The following SCD5 variants were observed in gnomAD, a reference collection of about 807,000 sequenced individuals.
SCD5 encodes the protein acyl-CoA-desaturase 4.
A neutral mutation model predicts 30.4 loss-of-function variants in SCD5; 20 were observed. The ratio of observed to expected loss-of-function variants is 0.66; its 90% CI spans 0.46 to 0.96. The LOEUF is 0.96. Among genes scored for constraint, SCD5 ranks in the 40% least tolerant of loss-of-function variants. The pLI, the probability that SCD5 is intolerant of heterozygous loss-of-function variation, is 0.00. For missense variants in SCD5, 381 were observed against 443.3 expected (o/e 0.86, Z 1.26); for synonymous variants, 173 against 176.4 (o/e 0.98, Z 0.16).
chr4:82,642,257 C>T (rs1041899041), intron 3 of SCD5, among the ~76,000 whole-genome samples: 4 of 152,162 alleles, frequency 2.6e-5, no homozygotes. Flanking sequence ...AAACTCAATT[C>T]TTAAACCCTG....
intron 3 of SCD5, among the ~76,000 whole-genome samples, chr4:82,646,345 C>T (rs1727633635): frequency 6.6e-6 from 1 of 152,162 alleles, no homozygotes; most frequent in Admixed American, 6.5e-5. Flanking sequence ...CATTCTCTCC[C>T]CCTTCCTTTG....
intron 3 of SCD5, among the ~76,000 whole-genome samples, chr4:82,639,588 G>A (rs992554053): frequency 4.6e-5 from 7 of 152,232 alleles, no homozygotes; most frequent in Admixed American, 6.5e-5. Flanking sequence ...CAGCCAAGAC[G>A]TGGGAGCATC....
intron 1 of SCD5, among the ~76,000 whole-genome samples, chr4:82,731,895 T>A (rs1034165179): frequency 2.6e-5 from 4 of 152,144 alleles, no homozygotes; most frequent in Non-Finnish European, 4.4e-5. Context: ...CTATTACCTT[T>A]TACTTTGTGA....
chr4:82,650,810 T>C (rs1478857236), intron 3 of SCD5, among the ~76,000 whole-genome samples: 1 of 148,150 alleles, frequency 6.7e-6, no homozygotes, highest in East Asian at 2.0e-4. Flanking sequence ...TGATTAAATA[T>C]CAAATGTTAA....
intron 1 of SCD5, among the ~76,000 whole-genome samples, chr4:82,715,408 G>C (rs1720204842): frequency 6.6e-6 from 1 of 151,470 alleles, no homozygotes; most frequent in Admixed American, 6.6e-5. Flanking sequence ...AGGCCGGCCT[G>C]TGCTGAACCG....
chr4:82,677,622 G>A (rs1451338373), intron 3 of SCD5, among the ~76,000 whole-genome samples: 3 of 152,202 alleles, frequency 2.0e-5, no homozygotes. Flanking sequence ...TTAGTTCAGT[G>A]ATTCTAAGCC....
chr4:82,785,984 T>C (rs1560563259), intron 1 of SCD5, among the ~76,000 whole-genome samples: 2 of 152,242 alleles, frequency 1.3e-5, no homozygotes, highest in Admixed American at 6.5e-5. Flanking sequence ...GGTGGGTTGA[T>C]AAACTATTCC....
At chr4:82,654,402 T>C (rs900307270) in intron 3 of SCD5, among the ~76,000 whole-genome samples, 3 of 152,250 alleles carry the variant, frequency 2.0e-5, no homozygotes, top group African/African-American at 7.2e-5. Context: ...TCATCCCTTT[T>C]ACTCTTTGTA....
Position 82,636,638 on chromosome 4 carries a change from T to C in SCD5, c.755A>G (p.Lys252Arg), listed in dbSNP as rs781397791. 3 of 1,614,206 alleles carry C rather than the reference T, an allele frequency of 1.9e-6. No individual in the cohort carries two copies. In the Admixed American group the frequency reaches 5.0e-5, roughly 27 times the overall value. ...AHMYGNRPYD[K>R]HISPRQNPLV... ...TGGGTTCTGCCGAGGGCTGATGTGC[T>C]TGTCATAGGGCCGGTTTCCATACAT... Residue 252 changes from lysine to arginine, a missense_variant, in exon 4 of 5, where the codon AAG (lysine) becomes AGG (arginine). Lys to Arg is a conservative substitution (Grantham distance 26, BLOSUM62 2). Transcript: ENST00000319540.
intron 2 of SCD5, among the ~76,000 whole-genome samples, chr4:82,685,421 G>T (rs904145941): frequency 2.6e-5 from 4 of 152,048 alleles, no homozygotes; most frequent in Non-Finnish European, 4.4e-5. Flanking sequence ...TAAAATAAAA[G>T]GTGAAAAGAG....
intron 3 of SCD5, among the ~76,000 whole-genome samples, chr4:82,638,270 C>A (rs1727473004): frequency 2.0e-5 from 3 of 152,068 alleles, no homozygotes; most frequent in Admixed American, 2.0e-4. Context: ...AGATGCCCCG[C>A]CCCCTGCCCT....
At chr4:82,760,981 A>G (rs1163462885) in intron 1 of SCD5, among the ~76,000 whole-genome samples, 6 of 152,228 alleles carry the variant, frequency 3.9e-5, no homozygotes, top group African/African-American at 1.4e-4. Flanking sequence ...AGAATTCAGA[A>G]TATTAGCCTT....
intron 1 of SCD5, among the ~76,000 whole-genome samples, chr4:82,784,720 A>G (rs1721950412): frequency 6.6e-6 from 1 of 152,194 alleles, no homozygotes; most frequent in South Asian, 2.1e-4. Context: ...ATTAAACTAG[A>G]ACCGTGAAAG....
intron 2 of SCD5, among the ~76,000 whole-genome samples, chr4:82,695,853 T>C (rs1300012323): frequency 2.0e-5 from 3 of 152,214 alleles, no homozygotes. Flanking sequence ...CCTTCTGCAG[T>C]AGGCTTTGTC....
intron 1 of SCD5, among the ~76,000 whole-genome samples, chr4:82,716,315 T>C (rs1428206833): frequency 6.6e-6 from 1 of 151,888 alleles, no homozygotes; most frequent in Non-Finnish European, 1.5e-5. Context: ...CCCTCTGCCA[T>C]TTCCTAGCTG....
Position 82,719,315 on chromosome 4 carries a change from T to C in SCD5, c.233-13902A>G, listed in dbSNP as rs141557943. 7.7e-4 allele frequency among the ~76,000 whole-genome samples: 116 copies of C among 151,534 alleles called. 5 individuals are homozygous for C. The highest frequency in any genetic ancestry group is 2.5e-3 in the African/African-American group (103 of 40,914). Reference sequence around the variant, plus strand: ...ACTCTGAATCAACCCTCTTCATTTATTACCTGCCTGGCCTCAATCTAGGAC... The same window carrying C: ...ACTCTGAATCAACCCTCTTCATTTACTACCTGCCTGGCCTCAATCTAGGAC... On this transcript the variant is annotated intron_variant, in intron 1 of 4. Transcript: ENST00000319540.
chr4:82,786,594 GT>G (rs1721992502), intron 1 of SCD5, among the ~76,000 whole-genome samples: 1 of 152,074 alleles, frequency 6.6e-6, no homozygotes, highest in Non-Finnish European at 1.5e-5. Context: ...GAGTTCAGGA[GT>G]TCGAGACCAG....
At chr4:82,786,792 T>TA (rs11462424) in intron 1 of SCD5, among the ~76,000 whole-genome samples, 46,204 of 127,068 alleles carry the variant, frequency 0.36, 8,739 homozygotes, top group Admixed American at 0.51. Context: ...GACTTTGCCT[T>TA]AAAAAAAAAA....
At chr4:82,645,737 T>C (rs6535368) in intron 3 of SCD5, among the ~76,000 whole-genome samples, 145,008 of 152,330 alleles carry the variant, frequency 0.95, 69,120 homozygotes, top group East Asian at 1. Flanking sequence ...GGGTACTAAC[T>C]TTTCAATTAC....
Sources: gnomAD v4.1 joint callset for allele counts (sites outside exome capture counted in the v4.1 genomes callset) on GRCh38, gnomAD v4.1.1 for gene constraint, MANE v1.5 for transcripts, NCBI Gene and HGNC (gene_info 2026-07-23, HGNC 2026-07-21) for gene names.